Variants in OR3A2 observed in about 807,000 individuals in gnomAD.
The protein encoded by OR3A2 is olfactory receptor family 3 subfamily A member 2.
For missense variants in OR3A2, 318 were observed against 392.8 expected, an observed-to-expected ratio of 0.81 and a Z score of 1.61; for synonymous variants, 126 against 159.3, an observed-to-expected ratio of 0.79 and a Z score of 1.57.
At chr17:3,322,765 A>C (rs904606445) in intron 3 of OR3A2, among the ~76,000 whole-genome samples, 1 of 152,060 alleles carries the variant, frequency 6.6e-6, no homozygotes, top group African/African-American at 2.4e-5. Flanking sequence ...GTTCTTTTAC[A>C]TTTGCTGAGG....
chr17:3,322,573 G>C (rs900758984), intron 3 of OR3A2, among the ~76,000 whole-genome samples: 1 of 152,004 alleles, frequency 6.6e-6, no homozygotes, highest in Admixed American at 6.6e-5. Flanking sequence ...TATGTTGTGT[G>C]TTTGATCCCA....
intron 2 of OR3A2, among the ~76,000 whole-genome samples, chr17:3,341,611 TAG>T (rs1293117571): frequency 6.6e-6 from 1 of 152,230 alleles, no homozygotes; most frequent in Non-Finnish European, 1.5e-5. Flanking sequence ...TTCTGGCTTG[TAG>T]AGTTTCTGCT....
At chr17:3,299,726 C>T (rs2855670) in intron 3 of OR3A2, among the ~76,000 whole-genome samples, 70,825 of 151,604 alleles carry the variant, frequency 0.47, 17,947 homozygotes, top group East Asian at 0.96. Flanking sequence ...ACGTGGTGTA[C>T]ACTCACACTT....
rs117422232 is a variant in OR3A2 at position 3,354,803 on chromosome 17, G to A, written c.-178-18677C>T. Among the ~76,000 whole-genome samples the A allele has an allele frequency of 2.0e-3, 296 of 150,902 alleles. 3 individuals carry two copies. The highest frequency in any genetic ancestry group is 2.8e-3 in the Non-Finnish European group (187 of 67,704). ...TACCTCCCTTCTTTTACTAATTTTG[G>A]GGTAGGTTTGCTCTTGCTTTTCTTG... is the stretch of plus-strand genomic sequence containing the variant. On this transcript the variant is annotated intron_variant, in intron 2 of 4. Transcript: ENST00000573491.
intron 2 of OR3A2, among the ~76,000 whole-genome samples, chr17:3,367,774 T>C (rs969445104): frequency 1.4e-4 from 22 of 152,016 alleles, no homozygotes; most frequent in African/African-American, 9.7e-5. Context: ...AGTAGTGGGA[T>C]TGCTGGTTCA....
At position 3,311,079 on chromosome 17, in the gene OR3A2, A is replaced by G. The variant is rs1193182412; in HGVS notation, c.-85+24954T>C. 1 of 544,592 alleles carries G rather than the reference A, an allele frequency of 1.8e-6. No homozygotes were observed. Among genetic ancestry groups the G allele is most frequent in the Non-Finnish European group, 3.7e-6 (1 of 266,756 alleles). 33.7% of individuals were successfully genotyped at this position (544,592 alleles called of 1,614,324 possible). ...CACTGTGGTGGGCATCTTCTATGGG[A>G]CGGGCGTCTTCAGCTACACAAGGCT... On this transcript the variant is annotated intron_variant, in intron 3 of 4. Coordinates refer to the OR3A2 transcript ENST00000573491. The surrounding 1 kb of genome is among the most constrained non-coding windows in gnomAD (Gnocchi z 4.6).
intron 3 of OR3A2, among the ~76,000 whole-genome samples, chr17:3,331,858 T>A (rs7223789): frequency 6.8e-6 from 1 of 147,502 alleles, no homozygotes; most frequent in South Asian, 2.1e-4. Flanking sequence ...ATCTACTTTT[T>A]GTCTTTGATG....
At chr17:3,374,116 A>C (rs902337887) in intron 2 of OR3A2, among the ~76,000 whole-genome samples, 16 of 152,218 alleles carry the variant, frequency 1.1e-4, no homozygotes, top group African/African-American at 3.9e-4. Context: ...GGAGGCTAAA[A>C]GTAGAACCCC....
At chr17:3,349,540 G>A (rs1013273248) in intron 2 of OR3A2, among the ~76,000 whole-genome samples, 1 of 152,108 alleles carries the variant, frequency 6.6e-6, no homozygotes, top group East Asian at 1.9e-4. Flanking sequence ...AGCAAGTCCT[G>A]AGTGATCTAC....
intron 3 of OR3A2, among the ~76,000 whole-genome samples, chr17:3,329,201 G>C (rs1433605705): frequency 6.6e-6 from 1 of 151,768 alleles, no homozygotes; most frequent in African/African-American, 2.4e-5. Flanking sequence ...GCCCGGCTTT[G>C]GTATCAGAAT....
At chr17:3,356,782 G>A (rs1255145009) in intron 2 of OR3A2, among the ~76,000 whole-genome samples, 12 of 151,458 alleles carry the variant, frequency 7.9e-5, no homozygotes, top group South Asian at 4.1e-4. Flanking sequence ...AGATAAATAC[G>A]CTCTTAAGTT....
At chr17:3,297,287 T>C (rs118127799) in intron 3 of OR3A2, among the ~76,000 whole-genome samples, 88 of 152,196 alleles carry the variant, frequency 5.8e-4, no homozygotes, top group African/African-American at 1.9e-3. Flanking sequence ...AATTGACATA[T>C]CTATAGGAGC....
At chr17:3,286,398 T>G (rs542559401), upstream of OR3A2, among the ~76,000 whole-genome samples, 1 of 152,320 alleles carries the variant, frequency 6.6e-6, no homozygotes, top group East Asian at 1.9e-4. Flanking sequence ...GTCTTTATAG[T>G]AGAATGATTT....
At chr17:3,291,792 C>G (rs540886927) in intron 3 of OR3A2, 1 of 1,613,580 alleles carries the variant, frequency 6.2e-7, no homozygotes, top group African/African-American at 1.3e-5. Flanking sequence ...TGAACCCAGT[C>G]GCATATAGTT....
chr17:3,345,105 A>G (rs2049351237), intron 2 of OR3A2, among the ~76,000 whole-genome samples: 2 of 152,190 alleles, frequency 1.3e-5, no homozygotes, highest in South Asian at 4.1e-4. Flanking sequence ...GGAGAGGTGG[A>G]TCTGATGAAG....
At chr17:3,378,852 T>C (rs1258974582) in intron 2 of OR3A2, among the ~76,000 whole-genome samples, 1 of 152,228 alleles carries the variant, frequency 6.6e-6, no homozygotes. Context: ...TGCCAAGCAC[T>C]GTAACTTGCT....
intron 2 of OR3A2, among the ~76,000 whole-genome samples, chr17:3,355,611 A>G (rs777810180): frequency 6.6e-5 from 10 of 151,062 alleles, no homozygotes; most frequent in Non-Finnish European, 1.5e-4. Flanking sequence ...CTGGACATCT[A>G]TTTTGTCTAA....
In OR3A2 at chr17:3,354,866, T is replaced by G. The variant is rs1374513272; in HGVS notation, c.-178-18740A>C. Among the ~76,000 whole-genome samples the G allele has an allele frequency of 2.0e-5, 3 of 151,476 alleles. No individual in the cohort carries two copies. In the East Asian group the frequency reaches 5.8e-4, roughly 29 times the overall value. ...CATCATTAGGCTATTTATTTGAAGT[T>G]TTTCTTCTGTTTTGAGGTAGGCATT... On this transcript the variant is annotated intron_variant, in intron 2 of 4. Coordinates refer to the OR3A2 transcript ENST00000573491.
At chr17:3,360,757 G>A (rs1468623925) in intron 2 of OR3A2, among the ~76,000 whole-genome samples, 6 of 151,578 alleles carry the variant, frequency 4.0e-5, no homozygotes, top group Admixed American at 6.6e-5. Flanking sequence ...TGAGGGCTCT[G>A]TTCTGTTCCA....
Sources: gnomAD v4.1 joint callset for allele counts (sites outside exome capture counted in the v4.1 genomes callset) on GRCh38, gnomAD v4.1.1 for gene constraint, Gnocchi (gnomAD v3.1) non-coding constraint, MANE v1.5 for transcripts, NCBI Gene and HGNC (gene_info 2026-07-23, HGNC 2026-07-21) for gene names.